NKAIN2: variants seen among roughly 807,000 people sequenced by gnomAD.
The protein encoded by NKAIN2 is sodium/potassium transporting ATPase interacting 2.
A neutral mutation model predicts 32.6 loss-of-function variants in NKAIN2; 14 were observed. The ratio of observed to expected loss-of-function variants is 0.43; its 90% confidence interval spans 0.28 to 0.67. The LOEUF is 0.67. Ranked by LOEUF, NKAIN2 falls within the 30% of genes least tolerant of loss-of-function variation. The pLI is 0.17. For missense variants in NKAIN2, 198 were observed against 258.3 expected, an observed-to-expected ratio of 0.77 and a Z score of 1.60; for synonymous variants, 80 against 87.2, an observed-to-expected ratio of 0.92 and a Z score of 0.46.
At chr6:123,880,806 T>A (rs1431889616) in intron 1 of NKAIN2, among the ~76,000 whole-genome samples, 1 of 152,196 alleles carries the variant, frequency 6.6e-6, no homozygotes, top group Non-Finnish European at 1.5e-5. Context: ...ATAAAGGTGT[T>A]TAAAATTTTT....
intron 1 of NKAIN2, among the ~76,000 whole-genome samples, chr6:123,819,299 A>C (rs1020652484): frequency 7.2e-5 from 11 of 152,112 alleles, no homozygotes; most frequent in Non-Finnish European, 1.0e-4. Context: ...TACTGTATTC[A>C]CTTGAAGCCA....
rs1313829709 is a variant in NKAIN2, at chr6:123,804,661, A to G, written c.54+407A>G. Among the ~76,000 whole-genome samples, 9 of 152,182 alleles carry G rather than the reference A, an allele frequency of 5.9e-5. No individual in the cohort carries two copies. The East Asian group carries it at 7.7e-4, about 13-fold the overall frequency. ...TTCTTCTCTATACTAATTTTGCAGT[A>G]TCTTTGTTTCTTCATAGACATGTTT... On this transcript the variant is annotated intron_variant, in intron 1 of 6. Transcript: ENST00000368417.
chr6:124,267,792 G>T (rs1794571916), intron 1 of NKAIN2, among the ~76,000 whole-genome samples: 1 of 152,122 alleles, frequency 6.6e-6, no homozygotes. Flanking sequence ...ACTCATTTGT[G>T]TATGGGATAA....
At chr6:123,863,518 C>T (rs532016110) in intron 1 of NKAIN2, among the ~76,000 whole-genome samples, 3 of 152,274 alleles carry the variant, frequency 2.0e-5, no homozygotes, top group African/African-American at 7.2e-5. Flanking sequence ...CTTGGAGTTT[C>T]CATCGGATCA....
Position 124,737,228 on chromosome 6 carries a change from G to A in NKAIN2, c.475-54111G>A, listed in dbSNP as rs547469879. Among the ~76,000 whole-genome samples the A allele has an allele frequency of 7.5e-4, 114 of 151,934 alleles. 1 individual carries two copies. The highest frequency in any genetic ancestry group is 2.4e-3 in the African/African-American group (101 of 41,510). On this transcript the variant is annotated intron_variant, in intron 4 of 6. Coordinates refer to ENST00000368417, the MANE Select transcript of NKAIN2 (RefSeq NM_001040214.3). ...TCCCCATGTGTCATGGGAAGGATGC[G>A]GCGGGAGCTAATTGAATCACAGGGA...
intron 1 of NKAIN2, among the ~76,000 whole-genome samples, chr6:123,979,327 C>T (rs570220552): frequency 3.2e-4 from 49 of 152,208 alleles, no homozygotes; most frequent in African/African-American, 8.2e-4. Flanking sequence ...TGATTGTGCT[C>T]CTTCTCATAG....
chr6:124,167,035 T>C (rs1285133025), intron 1 of NKAIN2, among the ~76,000 whole-genome samples: 8 of 148,292 alleles, frequency 5.4e-5, no homozygotes, highest in Non-Finnish European at 9.0e-5. Flanking sequence ...TTTAAAGTAG[T>C]TTTTTCCAAT....
intron 1 of NKAIN2, among the ~76,000 whole-genome samples, chr6:124,181,189 AC>A (rs1470276235): frequency 6.6e-6 from 1 of 152,126 alleles, no homozygotes; most frequent in Non-Finnish European, 1.5e-5. Flanking sequence ...CCCCAGCTGC[AC>A]CTTGGGGCCT....
chr6:124,315,857 A>C (rs1437294336), intron 2 of NKAIN2, among the ~76,000 whole-genome samples: 1 of 152,128 alleles, frequency 6.6e-6, no homozygotes, highest in Non-Finnish European at 1.5e-5. Flanking sequence ...CTTATTCAAA[A>C]CATTTTATTT....
chr6:124,815,214 C>CTATATGTATA (rs1554268803), intron 5 of NKAIN2, among the ~76,000 whole-genome samples: 2 of 68,792 alleles, frequency 2.9e-5, no homozygotes, highest in Non-Finnish European at 6.5e-5. Context: ...CAGTCTTAAA[C>CTATATGTATA]TATATATATA....
At chr6:124,780,466 A>AT (rs1013000310) in intron 4 of NKAIN2, among the ~76,000 whole-genome samples, 2 of 152,172 alleles carry the variant, frequency 1.3e-5, no homozygotes, top group Admixed American at 6.6e-5. Context: ...ATGGTGATAA[A>AT]TGTTGTTTGT....
At chr6:124,214,222 A>G (rs1384810848) in intron 1 of NKAIN2, among the ~76,000 whole-genome samples, 1 of 152,206 alleles carries the variant, frequency 6.6e-6, no homozygotes, top group Non-Finnish European at 1.5e-5. Context: ...ATTAAGAAAT[A>G]GCACACCATC....
chr6:124,299,815 C>G (rs1248726367), intron 2 of NKAIN2, among the ~76,000 whole-genome samples: 1 of 152,164 alleles, frequency 6.6e-6, no homozygotes, highest in Non-Finnish European at 1.5e-5. Context: ...TGGAAATGTT[C>G]AATTTAAAAG....
chr6:124,489,252 A>G (rs777947889), intron 3 of NKAIN2, among the ~76,000 whole-genome samples: 85 of 152,036 alleles, frequency 5.6e-4, no homozygotes, highest in Non-Finnish European at 2.2e-4. Context: ...GTGTGAGCTA[A>G]AGGATAAATG....
At chr6:124,429,966 T>G (rs1775144105) in intron 3 of NKAIN2, among the ~76,000 whole-genome samples, 1 of 151,852 alleles carries the variant, frequency 6.6e-6, no homozygotes, top group South Asian at 2.1e-4. Context: ...AGACATTAAA[T>G]TTAGGTAGAT....
intron 3 of NKAIN2, among the ~76,000 whole-genome samples, chr6:124,412,126 A>G (rs1774218959): frequency 6.6e-6 from 1 of 151,888 alleles, no homozygotes; most frequent in Non-Finnish European, 1.5e-5. Flanking sequence ...ATTGGTTTGA[A>G]CTTCCTCCTT....
At chr6:123,907,480 A>G (rs1034519627) in intron 1 of NKAIN2, among the ~76,000 whole-genome samples, 7 of 152,162 alleles carry the variant, frequency 4.6e-5, no homozygotes, top group Admixed American at 2.0e-4. Context: ...GTTAACAGAC[A>G]GACTCATGAT....
At chr6:124,184,123 T>A (rs1262646469) in intron 1 of NKAIN2, among the ~76,000 whole-genome samples, 1 of 152,142 alleles carries the variant, frequency 6.6e-6, no homozygotes, top group Non-Finnish European at 1.5e-5. Context: ...GACACTTTTA[T>A]TATAAATTTT....
intron 1 of NKAIN2, among the ~76,000 whole-genome samples, chr6:124,157,288 C>CAG (rs1305758468): frequency 2.7e-5 from 4 of 150,232 alleles, no homozygotes; most frequent in African/African-American, 9.8e-5. Flanking sequence ...CACACACACA[C>CAG]AGCATGCTTC....
Sources: gnomAD v4.1 joint callset for allele counts (sites outside exome capture counted in the v4.1 genomes callset) on GRCh38, gnomAD v4.1.1 for gene constraint, MANE v1.5 for transcripts, NCBI Gene and HGNC (gene_info 2026-07-23, HGNC 2026-07-21) for gene names.